The following MYH11 variants were observed in gnomAD, a reference collection of about 807,000 sequenced individuals.
The protein encoded by MYH11 is myosin-11.
A neutral mutation model predicts 246.6 loss-of-function variants in MYH11; 80 were observed. The observed-to-expected ratio is 0.32, with a 90% CI of 0.27 to 0.39. The LOEUF (loss-of-function observed/expected upper bound fraction) is 0.39. Among genes scored for constraint, MYH11 ranks in the 10% least tolerant of loss-of-function variants. MYH11 has a pLI of 1.00. For missense variants in MYH11, 2,158 were observed against 2,546.8 expected (o/e 0.85, Z 3.29); for synonymous variants, 1,071 against 1,015.5 (o/e 1.05, Z -1.04).
intron 9 of MYH11, among the ~76,000 whole-genome samples, chr16:15,764,226 A>G (rs2041932039): frequency 6.6e-6 from 1 of 152,206 alleles, no homozygotes; most frequent in South Asian, 2.1e-4. Context: ...AATGAGTTGC[A>G]ACAAAGATCG....
At chr16:15,823,978 C>T (rs1033474607) in intron 2 of MYH11, among the ~76,000 whole-genome samples, 2 of 152,066 alleles carry the variant, frequency 1.3e-5, no homozygotes, top group East Asian at 1.9e-4. Context: ...TCCACTCCTC[C>T]GACCTGCCAC....
intron 4 of MYH11, among the ~76,000 whole-genome samples, chr16:15,793,765 A>G (rs982233170): frequency 6.8e-6 from 1 of 146,784 alleles, no homozygotes; most frequent in East Asian, 2.0e-4. Flanking sequence ...GACTACAGGC[A>G]CCCGCCACCA....
intron 2 of MYH11, among the ~76,000 whole-genome samples, chr16:15,835,737 G>A (rs2043873141): frequency 6.8e-6 from 1 of 147,196 alleles, no homozygotes; most frequent in Non-Finnish European, 1.5e-5. Context: ...ACTCCATGAA[G>A]CTGGTACTAT....
intron 1 of MYH11, among the ~76,000 whole-genome samples, chr16:15,847,773 T>C (rs933107939): frequency 6.6e-6 from 1 of 152,224 alleles, no homozygotes; most frequent in African/African-American, 2.4e-5. Context: ...CTGGCTTTGA[T>C]GTCTCTGACA....
chr16:15,745,209 T>C lies in MYH11; in HGVS notation c.2440A>G (p.Thr814Ala). The C allele has an allele frequency of 6.2e-7, 1 of 1,613,692 alleles. No individual in the cohort carries two copies. Among genetic ancestry groups the C allele is most frequent in the Non-Finnish European group, 8.5e-7 (1 of 1,179,880 alleles). ...TTCCTCTGAATCACCTTCATGGCGG[T>C]CAGCTGCTGCTGCCTCTTGGCAAAA... is the stretch of plus-strand genomic sequence containing the variant. The part of the protein sequence containing the change: ...KAFAKRQQQL[T>A]AMKVIQRNCA... Residue 814 changes from threonine to alanine, a missense_variant, in exon 20 of 41, where the codon ACC becomes GCC. This residue lies in a region of MYH11 where 90 missense variants were observed against 144.2 expected (regional missense o/e 0.62). Coordinates refer to ENST00000300036, the MANE Select transcript of MYH11 (RefSeq NM_002474.3).
chr16:15,809,455 C>A (rs189416728), intron 3 of MYH11, among the ~76,000 whole-genome samples: 2 of 152,028 alleles, frequency 1.3e-5, no homozygotes, highest in Admixed American at 6.6e-5. Flanking sequence ...TCACTTGAGC[C>A]CAGGAGTTGG....
Position 15,719,022 on chromosome 16 carries a change from G to A in MYH11, c.5171+198C>T, listed in dbSNP as rs2040322219. 1.3e-5 allele frequency: 8 copies of A among 635,474 alleles called. No individual in the cohort carries two copies. The South Asian group carries it at 1.4e-4, about 11-fold the overall frequency. 39.4% of individuals were successfully genotyped at this position (635,474 alleles called of 1,614,324 possible). ...ACACACCTGTAGTCTCAGCTACTCA[G>A]AAGGCTGAGGCAGGAGAATTGCTTG... On this transcript the variant is annotated intron_variant, in intron 36 of 40. Transcript: ENST00000300036.
chr16:15,753,915 A>G (rs1048818388), intron 14 of MYH11, among the ~76,000 whole-genome samples: 4 of 152,048 alleles, frequency 2.6e-5, no homozygotes, highest in Admixed American at 2.6e-4. Context: ...TTTAGAAATT[A>G]AGCATGGCAG....
At chr16:15,790,329 A>G (rs9941314) in intron 4 of MYH11, among the ~76,000 whole-genome samples, 13,445 of 140,044 alleles carry the variant, frequency 0.096, 783 homozygotes, top group African/African-American at 0.19. Context: ...CAAACAAACA[A>G]ACAGACAGAC....
At chr16:15,781,057 T>A (rs1421451846) in intron 6 of MYH11, among the ~76,000 whole-genome samples, 1 of 152,114 alleles carries the variant, frequency 6.6e-6, no homozygotes, top group Non-Finnish European at 1.5e-5. Flanking sequence ...AGCATTGATA[T>A]GCTGAAATGC....
chr16:15,818,754 C>T (rs1250728357), intron 3 of MYH11, among the ~76,000 whole-genome samples: 4 of 151,796 alleles, frequency 2.6e-5, no homozygotes, highest in Admixed American at 1.3e-4. Context: ...TTTTGGAGTC[C>T]GCCATCAATG....
rs1340745721 is a variant in MYH11, at chr16:15,726,956, C to T, written c.3750G>A (p.Val1250=). ...LRVLGQAKQE[V]EHKKKKLEAQ... ...CCTCCAGCTTCTTCTTCTTATGTTCCACCTCCTGCTTGGCCTGGCCCAGGA... is the reference window on the plus strand; with the variant it reads ...CCTCCAGCTTCTTCTTCTTATGTTCTACCTCCTGCTTGGCCTGGCCCAGGA... Residue 1250 remains valine (V), a synonymous_variant, in exon 28 of 41, where the codon GTG becomes GTA. Coordinates refer to ENST00000300036, the MANE Select transcript of MYH11 (RefSeq NM_002474.3). 2.5e-6 allele frequency: 4 copies of T among 1,613,416 alleles called. No individual in the cohort carries two copies. The highest frequency in any genetic ancestry group is 2.7e-5 in the African/African-American group (2 of 74,870).
chr16:15,772,386 C>T (rs2042124726), intron 8 of MYH11, among the ~76,000 whole-genome samples: 1 of 152,088 alleles, frequency 6.6e-6, no homozygotes, highest in Non-Finnish European at 1.5e-5. Context: ...GCCACCGCAC[C>T]TGGCCTTATT....
intron 40 of MYH11, among the ~76,000 whole-genome samples, chr16:15,710,906 G>A (rs1035889883): frequency 1.2e-4 from 18 of 152,148 alleles, no homozygotes; most frequent in African/African-American, 4.1e-4. Context: ...TCGAACTCCT[G>A]ACCTCAGGTG....
At chr16:15,844,543 G>T (rs2044139462) in intron 1 of MYH11, among the ~76,000 whole-genome samples, 1 of 152,060 alleles carries the variant, frequency 6.6e-6, no homozygotes, top group African/African-American at 2.4e-5. Flanking sequence ...AAAAGGAGGG[G>T]AACCCATAGA....
chr16:15,845,484 T>A (rs1596950210), intron 1 of MYH11, among the ~76,000 whole-genome samples: 1 of 152,164 alleles, frequency 6.6e-6, no homozygotes, highest in Non-Finnish European at 1.5e-5. Context: ...GCCACTTCGC[T>A]CATTCCTAAC....
At chr16:15,768,854 G>A (rs2042037672) in intron 9 of MYH11, among the ~76,000 whole-genome samples, 1 of 152,106 alleles carries the variant, frequency 6.6e-6, no homozygotes, top group Admixed American at 6.5e-5. Flanking sequence ...AGTACATTGA[G>A]AACACTGGGG....
At chr16:15,709,535 G>A (rs1320310292) in intron 40 of MYH11, among the ~76,000 whole-genome samples, 4 of 151,974 alleles carry the variant, frequency 2.6e-5, no homozygotes, top group Admixed American at 6.6e-5. Flanking sequence ...TGCTGGTCTC[G>A]AACTCCTGAC....
chr16:15,719,359 A>G, intron 35 of MYH11, 51 bp from the exon 36 acceptor site: 1 of 1,581,534 alleles, frequency 6.3e-7, no homozygotes, highest in Non-Finnish European at 8.6e-7. Context: ...GCCAAGCCCC[A>G]CCAAGAGTCC....
Sources: gnomAD v4.1 joint callset for allele counts (sites outside exome capture counted in the v4.1 genomes callset) on GRCh38, gnomAD v4.1.1 for gene constraint, gnomAD v4.1.1 regional missense constraint, MANE v1.5 for transcripts, NCBI Gene and HGNC (gene_info 2026-07-23, HGNC 2026-07-21) for gene names.